The following SLC2A9 variants were observed in gnomAD, a reference collection of about 807,000 sequenced individuals.
SLC2A9 encodes the protein solute carrier family 2 member 9, also known as solute carrier family 2, facilitated glucose transporter member 9.
SLC2A9 carries 39 observed loss-of-function variants against 50.6 expected under a neutral mutation model. That is an observed-to-expected ratio of 0.77 (90% CI 0.60 to 1.01). The LOEUF (loss-of-function observed/expected upper bound fraction) is 1.01. SLC2A9 is among the 50% of genes least tolerant of loss of function. The pLI, the probability that SLC2A9 is intolerant of heterozygous loss-of-function variation, is 0.00. For synonymous variants in SLC2A9, 324 were observed against 276.9 expected (o/e 1.17, Z -1.69); for missense variants, 686 against 677.6 (o/e 1.01, Z -0.14).
intron 3 of SLC2A9, among the ~76,000 whole-genome samples, chr4:9,816,975 T>A (rs1054205967): frequency 2.0e-5 from 3 of 152,196 alleles, no homozygotes; most frequent in Non-Finnish European, 4.4e-5. Flanking sequence ...ACATTTCTTT[T>A]CCTTTTCCAG....
At chr4:9,893,472 G>A (rs970883783) in intron 8 of SLC2A9, among the ~76,000 whole-genome samples, 4 of 151,966 alleles carry the variant, frequency 2.6e-5, no homozygotes, top group Admixed American at 2.6e-4. Context: ...GAAGTGGGGA[G>A]GGAAGTCAGG....
chr4:9,849,835 T>G (rs1729573269), intron 10 of SLC2A9, among the ~76,000 whole-genome samples: 1 of 152,010 alleles, frequency 6.6e-6, no homozygotes, highest in African/African-American at 2.4e-5. Flanking sequence ...GAGTTTCTGT[T>G]TCAATAGAGA....
chr4:9,947,413 G>A (rs553291829), intron 5 of SLC2A9, among the ~76,000 whole-genome samples: 5 of 152,266 alleles, frequency 3.3e-5, no homozygotes, highest in African/African-American at 9.6e-5. Flanking sequence ...CCTGATAAGG[G>A]GGTGGGCTGA....
intron 2 of SLC2A9, among the ~76,000 whole-genome samples, chr4:10,015,813 G>A (rs539972927): frequency 2.0e-5 from 3 of 152,216 alleles, no homozygotes; most frequent in Non-Finnish European, 2.9e-5. Flanking sequence ...CCCAGGCTGT[G>A]CTGTTTTGTT....
intron 11 of SLC2A9, among the ~76,000 whole-genome samples, chr4:9,832,138 G>A (rs1338574829): frequency 6.6e-6 from 1 of 152,194 alleles, no homozygotes; most frequent in East Asian, 1.9e-4. Context: ...GCTCTTGATT[G>A]TGGCTGAGCT....
chr4:9,805,845 G>T (rs1329754643), intron 3 of SLC2A9, among the ~76,000 whole-genome samples: 2 of 152,180 alleles, frequency 1.3e-5, no homozygotes, highest in African/African-American at 4.8e-5. Flanking sequence ...TGTTCTAGGG[G>T]TTTTCCATGT....
At chr4:9,920,281 AGAACTGAGATTT>A (rs1743674603) in intron 7 of SLC2A9, 92 bp downstream of exon 7, 1 of 1,237,942 alleles carries the variant, frequency 8.1e-7, no homozygotes, top group Non-Finnish European at 1.2e-6. Flanking sequence ...TGGCAATGAC[AGAACTGAGATTT>A]GAACCTGGGC....
intron 1 of SLC2A9, among the ~76,000 whole-genome samples, chr4:10,032,076 A>G (rs548729343): frequency 1.3e-5 from 2 of 152,318 alleles, no homozygotes; most frequent in South Asian, 4.1e-4. Context: ...TCTAGGCATT[A>G]TGGACCCAGA....
At chr4:9,798,925 G>A (rs1025310455), downstream of SLC2A9, 6 of 152,210 alleles carry the variant, frequency 3.9e-5, no homozygotes, top group African/African-American at 1.2e-4. Context: ...GTTGCCTGGT[G>A]TATGGCAGCT....
chr4:10,031,762 G>T lies in SLC2A9; in HGVS notation c.-40-5756C>A, dbSNP rs76000457. ...CGAGACTGAGTGAAGCAGCCAGTTA[G>T]CGGAGCTGGAGAAGGATGTCCCATG... On this transcript the variant is annotated intron_variant, in intron 1 of 12. Transcript: ENST00000309065. Among the ~76,000 whole-genome samples the T allele has an allele frequency of 4.8e-3, 732 of 152,330 alleles. 7 individuals are homozygous for T. The highest frequency in any genetic ancestry group is 0.016 in the African/African-American group (681 of 41,566).
chr4:9,964,167 C>T (rs769542544), intron 5 of SLC2A9, among the ~76,000 whole-genome samples: 84 of 152,286 alleles, frequency 5.5e-4, no homozygotes, highest in Middle Eastern at 3.4e-3. Context: ...TTTGTATGCA[C>T]CCGGGTATAC....
chr4:9,921,824 G>T (rs1472792076), intron 6 of SLC2A9, among the ~76,000 whole-genome samples: 1 of 152,116 alleles, frequency 6.6e-6, no homozygotes, highest in Non-Finnish European at 1.5e-5. Context: ...CAACATCTAT[G>T]TGATAAAATA....
chr4:9,911,253 C>T (rs1206942683), intron 7 of SLC2A9, among the ~76,000 whole-genome samples: 4 of 152,116 alleles, frequency 2.6e-5, no homozygotes, highest in Non-Finnish European at 5.9e-5. Flanking sequence ...CCAGGGGCTA[C>T]AGGGGTCCTG....
chr4:9,951,043 A>T (rs992765134), intron 5 of SLC2A9, among the ~76,000 whole-genome samples: 1 of 152,262 alleles, frequency 6.6e-6, no homozygotes, highest in Non-Finnish European at 1.5e-5. Context: ...CTGTACTCAC[A>T]TGTTTATTGC....
chr4:9,911,453 T>C (rs932284486), intron 7 of SLC2A9, among the ~76,000 whole-genome samples: 7 of 152,146 alleles, frequency 4.6e-5, no homozygotes, highest in African/African-American at 1.7e-4. Context: ...CACTGTAAAA[T>C]AAGAAAGCAC....
chr4:9,911,619 G>A (rs1273433610), intron 7 of SLC2A9, among the ~76,000 whole-genome samples: 1 of 152,218 alleles, frequency 6.6e-6, no homozygotes, highest in East Asian at 1.9e-4. Flanking sequence ...GAGGCATAGA[G>A]TGGGGATTCT....
chr4:9,787,229 A>G (rs1452426041), intron 3 of SLC2A9, among the ~76,000 whole-genome samples: 1 of 152,214 alleles, frequency 6.6e-6, no homozygotes, highest in African/African-American at 2.4e-5. Flanking sequence ...CATACACCAT[A>G]TTCATTGGTT....
chr4:9,789,688 C>T (rs964714830), intron 3 of SLC2A9, among the ~76,000 whole-genome samples: 3 of 152,174 alleles, frequency 2.0e-5, no homozygotes, highest in African/African-American at 7.2e-5. Flanking sequence ...TATGAGTACC[C>T]CTACTCACAA....
chr4:9,927,345 C>T (rs752271821), intron 6 of SLC2A9, among the ~76,000 whole-genome samples: 58 of 152,354 alleles, frequency 3.8e-4, no homozygotes, highest in Non-Finnish European at 7.5e-4. Context: ...GCCACTAACT[C>T]ATGGCACTTT....
Sources: allele counts gnomAD v4.1 joint callset (sites outside exome capture counted in the v4.1 genomes callset), GRCh38; gene constraint gnomAD v4.1.1; transcripts MANE v1.5; gene names NCBI Gene and HGNC (gene_info 2026-07-23, HGNC 2026-07-21).